Variants in TMEM132B observed in about 807,000 individuals in gnomAD.
The protein encoded by TMEM132B is transmembrane protein 132B.
TMEM132B carries 18 observed loss-of-function variants against 90.8 expected under a neutral mutation model. The ratio of observed to expected loss-of-function variants is 0.20; its 90% CI spans 0.14 to 0.29. The LOEUF (loss-of-function observed/expected upper bound fraction) is 0.29. TMEM132B is among the 10% of genes least tolerant of loss of function. The pLI is 1.00. For missense variants in TMEM132B, 1,096 were observed against 1,326.8 expected, an observed-to-expected ratio of 0.83 and a Z score of 2.70; for synonymous variants, 504 against 523.3, an observed-to-expected ratio of 0.96 and a Z score of 0.50.
chr12:125,519,522 C>T lies in TMEM132B; in HGVS notation c.1190C>T (p.Thr397Ile), dbSNP rs767363368. The change falls in exon 4 of 9, where the codon ACC becomes ATC. Residue 397 changes from threonine (T) to isoleucine (I), a missense_variant. Thr to Ile is a moderately conservative substitution (Grantham distance 89). Transcript: ENST00000682704. The part of the protein sequence containing the change: ...SSDLAGAQQI[T>I]WQVEYPIEDS... ...GACCTGGCTGGGGCCCAGCAGATTA[C>T]CTGGCAGGTGGAGTACCCGATTGAG... 1.1e-5 allele frequency: 18 copies of T among 1,613,888 alleles called. No homozygotes were observed. Among genetic ancestry groups the T allele is most frequent in the South Asian group, 5.5e-5 (5 of 91,054 alleles).
At chr12:125,261,863 C>T (rs1472347298) in intron 1 of TMEM132B, among the ~76,000 whole-genome samples, 1 of 152,156 alleles carries the variant, frequency 6.6e-6, no homozygotes, top group Admixed American at 6.5e-5. Flanking sequence ...CAGGGTCTCG[C>T]TCTGATGCCC....
chr12:125,516,787 C>T lies in TMEM132B; in HGVS notation c.1107-2652C>T, dbSNP rs188970410. ...TGAGGTCTACGGAATGCTGAGAACC[C>T]GGGAGGTTTTGGAAGCAGCTTCCTA... On this transcript the variant is annotated intron_variant, in intron 3 of 8. Transcript: ENST00000682704. Among the ~76,000 whole-genome samples the T allele has an allele frequency of 3.9e-5, 6 of 152,276 alleles. No homozygotes were observed. The East Asian group carries it at 7.7e-4, about 20-fold the overall frequency.
intron 1 of TMEM132B, among the ~76,000 whole-genome samples, chr12:125,232,831 T>A (rs1363774384): frequency 6.6e-6 from 1 of 152,264 alleles, no homozygotes; most frequent in African/African-American, 2.4e-5. Flanking sequence ...AGTATTATCA[T>A]GGACTCTTCT....
At chr12:125,269,567 T>G (rs1404060605) in intron 1 of TMEM132B, among the ~76,000 whole-genome samples, 1 of 152,142 alleles carries the variant, frequency 6.6e-6, no homozygotes, top group Non-Finnish European at 1.5e-5. Context: ...TCACCCAGGA[T>G]GAATAAAAAC....
At chr12:125,571,191 T>C (rs537688938) in intron 4 of TMEM132B, among the ~76,000 whole-genome samples, 174 of 152,180 alleles carry the variant, frequency 1.1e-3, no homozygotes, top group Non-Finnish European at 1.6e-3. Flanking sequence ...GACTCTGGTG[T>C]CAAATGTTTT....
At chr12:125,225,709 C>A (rs1453855943) in intron 1 of TMEM132B, among the ~76,000 whole-genome samples, 1 of 152,166 alleles carries the variant, frequency 6.6e-6, no homozygotes, top group Non-Finnish European at 1.5e-5. Context: ...AGCTCACTTA[C>A]CTCCGCGGGG....
At chr12:125,229,431 G>C (rs1873765267) in intron 1 of TMEM132B, among the ~76,000 whole-genome samples, 2 of 152,124 alleles carry the variant, frequency 1.3e-5, no homozygotes, top group African/African-American at 4.8e-5. Flanking sequence ...TCCATTACCT[G>C]CCTCTTAGAA....
chr12:125,191,320 T>G (rs1477150471), intron 1 of TMEM132B, among the ~76,000 whole-genome samples: 1 of 152,074 alleles, frequency 6.6e-6, no homozygotes, highest in Non-Finnish European at 1.5e-5. Context: ...TTTCCCTGCA[T>G]GAACTTGATG....
chr12:125,411,679 G>A (rs892966427), intron 2 of TMEM132B, among the ~76,000 whole-genome samples: 1 of 152,046 alleles, frequency 6.6e-6, no homozygotes, highest in African/African-American at 2.4e-5. Flanking sequence ...GTAAAGGGTT[G>A]GTTGCTGTCT....
At chr12:125,222,817 T>C (rs1050506417) in intron 1 of TMEM132B, among the ~76,000 whole-genome samples, 1 of 152,240 alleles carries the variant, frequency 6.6e-6, no homozygotes, top group African/African-American at 2.4e-5. Context: ...AAAATGTCTC[T>C]AGACATTGAC....
chr12:125,273,110 T>A (rs927827379), intron 1 of TMEM132B, among the ~76,000 whole-genome samples: 7 of 152,252 alleles, frequency 4.6e-5, no homozygotes, highest in Non-Finnish European at 1.0e-4. Context: ...TGAATAGCCA[T>A]GTACCTACTA....
At chr12:125,531,023 C>T (rs1431499656) in intron 4 of TMEM132B, among the ~76,000 whole-genome samples, 1 of 152,150 alleles carries the variant, frequency 6.6e-6, no homozygotes, top group Non-Finnish European at 1.5e-5. Flanking sequence ...AACTGGAGTT[C>T]CAGATGATGA....
intron 3 of TMEM132B, among the ~76,000 whole-genome samples, chr12:125,509,128 C>T (rs1443051124): frequency 6.6e-6 from 1 of 152,142 alleles, no homozygotes; most frequent in Non-Finnish European, 1.5e-5. Context: ...TCACTTTCCC[C>T]CTGTGGATAT....
chr12:125,424,018 G>A (rs1376490217), intron 3 of TMEM132B, among the ~76,000 whole-genome samples: 1 of 152,106 alleles, frequency 6.6e-6, no homozygotes, highest in Non-Finnish European at 1.5e-5. Context: ...TTCAAGATTT[G>A]TGGAGCCCTT....
intron 5 of TMEM132B, among the ~76,000 whole-genome samples, chr12:125,611,425 T>C (rs1566088969): frequency 3.9e-5 from 6 of 152,096 alleles, no homozygotes; most frequent in Admixed American, 3.3e-4. Flanking sequence ...CTAATGTTTA[T>C]TTTATCCTTT....
chr12:125,223,233 C>T (rs1047132493), intron 1 of TMEM132B, among the ~76,000 whole-genome samples: 4 of 152,108 alleles, frequency 2.6e-5, no homozygotes, highest in Admixed American at 1.3e-4. Flanking sequence ...GTTGATGATG[C>T]CTTGAGATAT....
chr12:125,565,392 G>A (rs556689319), intron 4 of TMEM132B, among the ~76,000 whole-genome samples: 6 of 152,360 alleles, frequency 3.9e-5, no homozygotes, highest in African/African-American at 1.4e-4. Context: ...ATCCAGGGGT[G>A]GGACCTGTGA....
At chr12:125,619,193 C>G (rs1351429585) in intron 5 of TMEM132B, among the ~76,000 whole-genome samples, 1 of 152,136 alleles carries the variant, frequency 6.6e-6, no homozygotes, top group African/African-American at 2.4e-5. Context: ...TGGATTGGTA[C>G]TCGGAATCTC....
rs1472392640 is a variant in TMEM132B, at chr12:125,498,102, A to G, written c.1107-21337A>G. On this transcript the variant is annotated intron_variant, in intron 3 of 8. Transcript: ENST00000682704. This position sits in a 1 kb window ranked among gnomAD's most constrained non-coding sequence, Gnocchi z 4.5. ...GTCCAGACCTGACACACGCTGCTTT[A>G]TTTACCACTCACTGGCCAAAATTGA... 6.6e-6 allele frequency among the ~76,000 whole-genome samples: 1 copy of G among 152,166 alleles called. No homozygotes were observed. The highest frequency in any genetic ancestry group is 1.5e-5 in the Non-Finnish European group (1 of 68,026).
Sources: gnomAD v4.1 joint callset for allele counts (sites outside exome capture counted in the v4.1 genomes callset) on GRCh38, gnomAD v4.1.1 for gene constraint, Gnocchi (gnomAD v3.1) non-coding constraint, MANE v1.5 for transcripts, NCBI Gene and HGNC (gene_info 2026-07-23, HGNC 2026-07-21) for gene names.